Variants in ATRNL1 observed in about 807,000 individuals in gnomAD.
The protein encoded by ATRNL1 is attractin like 1.
Under a neutral mutation model 182.7 loss-of-function variants are expected in ATRNL1, and 95 were observed. That is an observed-to-expected ratio of 0.52 (90% confidence interval 0.44 to 0.62). The LOEUF (loss-of-function observed/expected upper bound fraction) is 0.62. ATRNL1 is among the 20% of genes least tolerant of loss of function. ATRNL1 has a pLI of 0.00. For missense variants in ATRNL1, 1,471 were observed against 1,679.5 expected, an observed-to-expected ratio of 0.88 and a Z score of 2.17; for synonymous variants, 576 against 568.3, an observed-to-expected ratio of 1.01 and a Z score of -0.19.
intron 27 of ATRNL1, among the ~76,000 whole-genome samples, chr10:115,833,037 GA>G (rs373864898): frequency 0.017 from 2,514 of 150,480 alleles, 85 homozygotes; most frequent in African/African-American, 0.058. Context: ...TGTAAGAGGA[GA>G]AAAAAAAAGA....
intron 13 of ATRNL1, among the ~76,000 whole-genome samples, chr10:115,270,382 TATATAA>T (rs1851804537): frequency 8.2e-6 from 1 of 121,984 alleles, no homozygotes; most frequent in South Asian, 2.5e-4. Flanking sequence ...TATTATATAA[TATATAA>T]ATATATGTAT....
intron 26 of ATRNL1, among the ~76,000 whole-genome samples, chr10:115,639,937 C>T (rs1555029685): frequency 6.6e-6 from 1 of 152,044 alleles, no homozygotes; most frequent in African/African-American, 2.4e-5. Context: ...GCTCCACATG[C>T]ATTAGGTATT....
intron 24 of ATRNL1, among the ~76,000 whole-genome samples, chr10:115,515,477 C>T (rs1554983682): frequency 6.6e-6 from 1 of 151,574 alleles, no homozygotes; most frequent in African/African-American, 2.4e-5. Context: ...TTGTTTTGGC[C>T]ATATGTGAAA....
intron 26 of ATRNL1, among the ~76,000 whole-genome samples, chr10:115,694,681 A>G (rs1946496806): frequency 1.3e-5 from 2 of 152,100 alleles, no homozygotes; most frequent in South Asian, 4.1e-4. Context: ...TTTGATGTTC[A>G]ATACAACTAA....
rs1847811038 is a variant in ATRNL1, at chr10:115,461,834, C to G, written c.3323-107C>G. On this transcript the variant is annotated intron_variant, in intron 21 of 28. Transcript: ENST00000355044. ...ACTTAAATATACCACTAGTATTTAA[C>G]AATAATCATTTTTAATATCAGTGTA... 6.0e-6 allele frequency: 3 copies of G among 503,742 alleles called. No individual in the cohort carries two copies. In the South Asian group the frequency reaches 1.5e-4, roughly 25 times the overall value. 31.2% of individuals were successfully genotyped at this position (503,742 alleles called of 1,614,324 possible).
At chr10:115,225,792 G>A (rs1483987408) in intron 9 of ATRNL1, among the ~76,000 whole-genome samples, 2 of 151,144 alleles carry the variant, frequency 1.3e-5, no homozygotes, top group African/African-American at 4.8e-5. Flanking sequence ...TGTCTATTCT[G>A]CCCAAATTGA....
chr10:115,707,612 T>C (rs1454909706), intron 26 of ATRNL1, among the ~76,000 whole-genome samples: 1 of 151,724 alleles, frequency 6.6e-6, no homozygotes, highest in African/African-American at 2.4e-5. Flanking sequence ...TACATATATA[T>C]ACACATTAAT....
intron 20 of ATRNL1, among the ~76,000 whole-genome samples, chr10:115,397,942 A>G (rs1554956035): frequency 1.3e-5 from 2 of 151,984 alleles, no homozygotes; most frequent in Admixed American, 6.6e-5. Context: ...GAGATGAGAC[A>G]TGAACATTGG....
intron 26 of ATRNL1, among the ~76,000 whole-genome samples, chr10:115,631,520 A>T (rs1342266877): frequency 1.3e-5 from 2 of 152,154 alleles, no homozygotes; most frequent in African/African-American, 4.8e-5. Flanking sequence ...TTTCACATCA[A>T]TCCTCTTAGG....
chr10:115,545,780 C>T (rs534388509), intron 25 of ATRNL1, among the ~76,000 whole-genome samples: 49 of 152,216 alleles, frequency 3.2e-4, no homozygotes, highest in Non-Finnish European at 4.4e-4. Flanking sequence ...TTATTTGCTA[C>T]GACAGATTTT....
At chr10:115,859,492 C>T (rs1265195968) in intron 28 of ATRNL1, among the ~76,000 whole-genome samples, 4 of 152,132 alleles carry the variant, frequency 2.6e-5, no homozygotes, top group African/African-American at 9.7e-5. Flanking sequence ...CCAGAAAAGG[C>T]AGGCAGAAGG....
At chr10:115,506,558 C>T (rs906632423) in intron 24 of ATRNL1, among the ~76,000 whole-genome samples, 1 of 152,098 alleles carries the variant, frequency 6.6e-6, no homozygotes, top group African/African-American at 2.4e-5. Flanking sequence ...CTCATCTTCC[C>T]TGCTGCAAAT....
At position 115,614,703 on chromosome 10, in the gene ATRNL1, T is replaced by TGA. The variant is rs1297516366; in HGVS notation, c.3795+65168_3795+65169insAG. On this transcript the variant is annotated intron_variant, in intron 26 of 28. Coordinates refer to ENST00000355044, the MANE Select transcript of ATRNL1 (RefSeq NM_207303.4). ...TGCTTTATACATCTGTGTGCTCCAGTGCGTGTGTGTGTGTGTGCATATTTA... is the reference window on the plus strand; with the variant it reads ...TGCTTTATACATCTGTGTGCTCCAGTGAGCGTGTGTGTGTGTGTGCATATTTA... 2.6e-3 allele frequency among the ~76,000 whole-genome samples: 391 copies of TGA among 152,276 alleles called. 1 individual carries two copies. The highest frequency in any genetic ancestry group is 9.1e-3 in the African/African-American group (377 of 41,576).
At chr10:115,160,253 T>C in intron 6 of ATRNL1, 39 bp downstream of exon 6, 1 of 1,536,366 alleles carries the variant, frequency 6.5e-7, no homozygotes, top group Non-Finnish European at 8.8e-7. Flanking sequence ...TTTTTTAAGC[T>C]GGATTTTTAT....
intron 26 of ATRNL1, among the ~76,000 whole-genome samples, chr10:115,557,649 G>T (rs141454219): frequency 6.6e-6 from 1 of 152,140 alleles, no homozygotes; most frequent in African/African-American, 2.4e-5. Context: ...ACTGAAGTTT[G>T]ATGAGAAAGA....
chr10:115,942,320 C>T (rs1279848922), intron 28 of ATRNL1, among the ~76,000 whole-genome samples: 1 of 152,212 alleles, frequency 6.6e-6, no homozygotes, highest in Non-Finnish European at 1.5e-5. Context: ...TCACTCCATT[C>T]GTTGTTTAAC....
At chr10:115,574,285 A>G (rs1351368036) in intron 26 of ATRNL1, among the ~76,000 whole-genome samples, 1 of 150,824 alleles carries the variant, frequency 6.6e-6, no homozygotes, top group Non-Finnish European at 1.5e-5. Context: ...TATATCTATA[A>G]CTATGCAGAT....
intron 19 of ATRNL1, among the ~76,000 whole-genome samples, chr10:115,367,623 T>C (rs1388572140): frequency 2.0e-5 from 3 of 150,748 alleles, no homozygotes; most frequent in African/African-American, 2.4e-5. Context: ...AGTTTTTCTG[T>C]TCTGTTTTTT....
chr10:115,199,178 C>A (rs1393488529), intron 8 of ATRNL1, among the ~76,000 whole-genome samples: 2 of 151,942 alleles, frequency 1.3e-5, no homozygotes, highest in African/African-American at 4.8e-5. Flanking sequence ...CAATTTATTT[C>A]ATCAATGTTT....
Sources: gnomAD v4.1 joint callset for allele counts (sites outside exome capture counted in the v4.1 genomes callset) on GRCh38, gnomAD v4.1.1 for gene constraint, MANE v1.5 for transcripts, NCBI Gene and HGNC (gene_info 2026-07-23, HGNC 2026-07-21) for gene names.